Variants in VAT1L observed in about 807,000 individuals in gnomAD.
The protein encoded by VAT1L is putative NADPH-dependent quinone oxidoreductase VAT1L.
Under a neutral mutation model 44.1 loss-of-function variants are expected in VAT1L, and 34 were observed. That is an observed-to-expected ratio of 0.77 (90% CI 0.59 to 1.03). The LOEUF (loss-of-function observed/expected upper bound fraction) is 1.03, where lower values mean the gene tolerates loss of function less well. VAT1L is among the 50% of genes least tolerant of loss of function. The probability of loss-of-function intolerance (pLI) is 0.00; values close to 1 mark genes in which losing one functional copy is unlikely to be tolerated. For missense variants in VAT1L, 615 were observed against 538.8 expected, an observed-to-expected ratio of 1.14 and a Z score of -1.40; for synonymous variants, 253 against 202.2, an observed-to-expected ratio of 1.25 and a Z score of -2.13.
chr16:77,858,173 C>T (rs553950381), intron 3 of VAT1L, among the ~76,000 whole-genome samples: 31 of 152,126 alleles, frequency 2.0e-4, no homozygotes, highest in African/African-American at 6.0e-4. Context: ...GTGGTGGTCA[C>T]GCTTCGGGAG....
chr16:77,886,070 C>G (rs886574130), intron 7 of VAT1L, among the ~76,000 whole-genome samples: 3 of 152,184 alleles, frequency 2.0e-5, no homozygotes, highest in African/African-American at 7.2e-5. Flanking sequence ...AGTCCACATT[C>G]CAGAGAAGGA....
chr16:77,820,607 T>C lies in VAT1L; in HGVS notation c.363+3557T>C, dbSNP rs186032565. Among the ~76,000 whole-genome samples the C allele has an allele frequency of 8.0e-4, 122 of 152,290 alleles. 3 individuals carry two copies. The East Asian group carries it at 9.3e-3, about 12-fold the overall frequency. On this transcript the variant is annotated intron_variant, in intron 2 of 8. Coordinates refer to ENST00000302536, the MANE Select transcript of VAT1L (RefSeq NM_020927.3). ...TTAGCAACACCAAGAAGATGGAAAC[T>C]GGCTAGAACAAAGGAGAGCTCTGCA...
intron 1 of VAT1L, among the ~76,000 whole-genome samples, chr16:77,813,259 A>T (rs1597174174): frequency 6.6e-6 from 1 of 152,144 alleles, no homozygotes; most frequent in East Asian, 1.9e-4. Flanking sequence ...GCCTTGGGTA[A>T]ATAACTTATT....
chr16:77,922,197 C>T (rs928808691), intron 7 of VAT1L, among the ~76,000 whole-genome samples: 1 of 152,064 alleles, frequency 6.6e-6, no homozygotes, highest in Non-Finnish European at 1.5e-5. Context: ...GGTGGAGGGG[C>T]AGTGTCTGTA....
chr16:77,862,894 A>C lies in VAT1L; in HGVS notation c.722+4A>C, dbSNP rs1225610547. 2 of 1,613,730 alleles carry C rather than the reference A, an allele frequency of 1.2e-6. No individual in the cohort carries two copies. The highest frequency in any genetic ancestry group is 2.2e-5 in the South Asian group (2 of 90,930). On this transcript the variant is annotated splice_donor_region_variant and intron_variant, in intron 4 of 8. Coordinates refer to ENST00000302536, the MANE Select transcript of VAT1L (RefSeq NM_020927.3). Reference sequence around the variant, plus strand: ...ACTACGTGCAAGAAGTTAAAAGGTAAGATGTTTGCTTTTGAAAAAGCACCA... The same window carrying C: ...ACTACGTGCAAGAAGTTAAAAGGTACGATGTTTGCTTTTGAAAAAGCACCA...
At chr16:77,965,785 C>T (rs366551) in intron 7 of VAT1L, among the ~76,000 whole-genome samples, 35,054 of 152,010 alleles carry the variant, frequency 0.23, 4,524 homozygotes, top group South Asian at 0.32. Context: ...AGGTGAGGCT[C>T]AGCCACATGA....
At chr16:77,941,017 T>G (rs184729423) in intron 7 of VAT1L, among the ~76,000 whole-genome samples, 1 of 152,328 alleles carries the variant, frequency 6.6e-6, no homozygotes, top group Non-Finnish European at 1.5e-5. Flanking sequence ...CAAGTTAGAA[T>G]GTATTAGAAT....
chr16:77,900,178 A>G (rs149789330), intron 7 of VAT1L, among the ~76,000 whole-genome samples: 2 of 152,316 alleles, frequency 1.3e-5, no homozygotes, highest in African/African-American at 2.4e-5. Flanking sequence ...TGTTATAAAC[A>G]TAGACTGAGT....
chr16:77,877,282 G>T (rs1047367810), intron 5 of VAT1L, among the ~76,000 whole-genome samples: 2 of 151,952 alleles, frequency 1.3e-5, no homozygotes, highest in Non-Finnish European at 2.9e-5. Flanking sequence ...AGGCCGAGGC[G>T]GGCGGATCAT....
At chr16:77,957,949 C>G (rs2018121561) in intron 7 of VAT1L, among the ~76,000 whole-genome samples, 1 of 151,904 alleles carries the variant, frequency 6.6e-6, no homozygotes, top group Non-Finnish European at 1.5e-5. Flanking sequence ...GCTCTGTCAC[C>G]CAGCCTGGAG....
At chr16:77,928,453 A>G (rs576546662) in intron 7 of VAT1L, among the ~76,000 whole-genome samples, 43 of 152,298 alleles carry the variant, frequency 2.8e-4, no homozygotes, top group Admixed American at 4.6e-4. Flanking sequence ...TAAAAGATCA[A>G]GTATTGAGAT....
At chr16:77,807,895 T>C (rs1426972861) in intron 1 of VAT1L, among the ~76,000 whole-genome samples, 2 of 152,206 alleles carry the variant, frequency 1.3e-5, no homozygotes, top group East Asian at 3.9e-4. Context: ...CTTTGGTGAT[T>C]GCAGAGGACT....
intron 7 of VAT1L, among the ~76,000 whole-genome samples, chr16:77,969,967 C>G (rs1471595812): frequency 6.8e-6 from 1 of 146,472 alleles, no homozygotes; most frequent in Non-Finnish European, 1.5e-5. Flanking sequence ...CATCTCAGCA[C>G]TTAGGGGAGG....
chr16:77,953,150 G>C (rs1016051026), intron 7 of VAT1L, among the ~76,000 whole-genome samples: 6 of 152,146 alleles, frequency 3.9e-5, no homozygotes, highest in African/African-American at 1.4e-4. Flanking sequence ...AAAGATGCCA[G>C]CAACCTCCAG....
chr16:77,920,927 CTG>C (rs10553687), intron 7 of VAT1L, among the ~76,000 whole-genome samples: 75,519 of 150,574 alleles, frequency 0.5, 19,020 homozygotes, highest in South Asian at 0.61. Context: ...TGTCATATGA[CTG>C]TGTGTGTGTG....
At chr16:77,890,389 G>C (rs2017251776) in intron 7 of VAT1L, among the ~76,000 whole-genome samples, 1 of 152,122 alleles carries the variant, frequency 6.6e-6, no homozygotes, top group African/African-American at 2.4e-5. Context: ...AGGCAGAGGA[G>C]TTTGAGCTTA....
intron 7 of VAT1L, among the ~76,000 whole-genome samples, chr16:77,895,969 A>C (rs1298293051): frequency 6.6e-6 from 1 of 152,186 alleles, no homozygotes; most frequent in East Asian, 1.9e-4. Flanking sequence ...CAGCCTGGGC[A>C]AAGGCCTGGA....
chr16:77,902,312 T>G (rs188670187), intron 7 of VAT1L, among the ~76,000 whole-genome samples: 1 of 152,342 alleles, frequency 6.6e-6, no homozygotes, highest in East Asian at 1.9e-4. Flanking sequence ...CAAGGGACAA[T>G]AGTCAATGGG....
rs2016102581 is a variant in VAT1L at position 77,803,495 on chromosome 16, C to T, written c.234-13426C>T. Among the ~76,000 whole-genome samples the T allele has an allele frequency of 2.7e-5, 4 of 146,302 alleles. No individual in the cohort carries two copies. In the South Asian group the frequency reaches 8.8e-4, roughly 32 times the overall value. On this transcript the variant is annotated intron_variant, in intron 1 of 8. Transcript: ENST00000302536. ...AGTGCAATGGTGCGATCTCGGCTCA[C>T]TGCAAGCTCCACCTCCTGGGTTCAG... is the stretch of plus-strand genomic sequence containing the variant.
Sources: gnomAD v4.1 joint callset for allele counts (sites outside exome capture counted in the v4.1 genomes callset) on GRCh38, gnomAD v4.1.1 for gene constraint, MANE v1.5 for transcripts, NCBI Gene and HGNC (gene_info 2026-07-23, HGNC 2026-07-21) for gene names.